Variants in PRKAG2 observed in about 807,000 individuals in gnomAD.
PRKAG2 encodes protein kinase AMP-activated non-catalytic subunit gamma 2, also known as 5'-AMP-activated protein kinase subunit gamma-2.
PRKAG2 carries 26 observed loss-of-function variants against 69.6 expected under a neutral mutation model. The ratio of observed to expected loss-of-function variants is 0.37; its 90% CI spans 0.27 to 0.52. The LOEUF is 0.52. Ranked by LOEUF, PRKAG2 falls within the 20% of genes least tolerant of loss-of-function variation. The pLI is 0.90. For synonymous variants in PRKAG2, 293 were observed against 285.0 expected (o/e 1.03, Z -0.28); for missense variants, 557 against 740.0 (o/e 0.75, Z 2.87).
At chr7:151,864,290 G>A (rs2080006910) in intron 1 of PRKAG2, among the ~76,000 whole-genome samples, 1 of 152,154 alleles carries the variant, frequency 6.6e-6, no homozygotes, top group Non-Finnish European at 1.5e-5. Context: ...CTCCCAACAC[G>A]CCTCCAGTGC....
At chr7:151,604,740 T>C (rs1267789681) in intron 5 of PRKAG2, among the ~76,000 whole-genome samples, 1 of 152,212 alleles carries the variant, frequency 6.6e-6, no homozygotes, top group Non-Finnish European at 1.5e-5. Flanking sequence ...CCTGTGTCTG[T>C]CTCACGATCC....
intron 3 of PRKAG2, chr7:151,734,207 A>G (rs1278869332): frequency 6.6e-6 from 1 of 152,234 alleles, no homozygotes; most frequent in Non-Finnish European, 1.5e-5. Context: ...GAGCTGCCCA[A>G]AGCGGATATA....
intron 1 of PRKAG2, among the ~76,000 whole-genome samples, chr7:151,861,294 G>C (rs574096317): frequency 6.6e-6 from 1 of 152,168 alleles, no homozygotes; most frequent in Non-Finnish European, 1.5e-5. Flanking sequence ...ACTTTGGGAG[G>C]CTGAGGCGGG....
intron 3 of PRKAG2, among the ~76,000 whole-genome samples, chr7:151,778,674 C>A (rs952272569): frequency 6.6e-6 from 1 of 152,214 alleles, no homozygotes; most frequent in Non-Finnish European, 1.5e-5. Flanking sequence ...TTACCAACAC[C>A]CGCAACTTCT....
chr7:151,698,292 G>A (rs1376135684), intron 3 of PRKAG2, among the ~76,000 whole-genome samples: 1 of 152,180 alleles, frequency 6.6e-6, no homozygotes, highest in Non-Finnish European at 1.5e-5. Context: ...TGTCCCCACT[G>A]TCCCTCTGAG....
rs2151857384 is a variant in PRKAG2, at chr7:151,814,361, C to T, written c.115-27820G>A. The T allele has an allele frequency of 1.7e-6, 2 of 1,161,880 alleles. No homozygotes were observed. The highest frequency in any genetic ancestry group is 2.1e-6 in the Non-Finnish European group (2 of 933,226). The allele number at this position is 1,161,880 out of a possible 1,614,324, so 72.0% of individuals were successfully genotyped here. On this transcript the variant is annotated intron_variant, in intron 1 of 15. Transcript: ENST00000287878. This position sits in a 1 kb window ranked among gnomAD's most constrained non-coding sequence, Gnocchi z 4.8. ...ATCGTGAGGGGGAAAACCGCACACC[C>T]AGGGACGCACAATCACTATGCATTT... is the stretch of plus-strand genomic sequence containing the variant.
chr7:151,688,295 C>T (rs1835086835), intron 3 of PRKAG2, among the ~76,000 whole-genome samples: 2 of 152,198 alleles, frequency 1.3e-5, no homozygotes, highest in Admixed American at 1.3e-4. Flanking sequence ...TAGGTCAGGA[C>T]TAGAGTTCGA....
intron 3 of PRKAG2, among the ~76,000 whole-genome samples, chr7:151,770,187 G>A (rs1432358672): frequency 2.0e-5 from 3 of 152,126 alleles, no homozygotes; most frequent in East Asian, 1.9e-4. Context: ...CGACACAACC[G>A]ACCAGCATTC....
At chr7:151,731,519 G>A (rs982008233) in intron 3 of PRKAG2, among the ~76,000 whole-genome samples, 8 of 114,578 alleles carry the variant, frequency 7.0e-5, no homozygotes, top group Non-Finnish European at 1.9e-5. Flanking sequence ...TGTGGGGAGA[G>A]CTCTGTGTGT....
chr7:151,669,524 C>T (rs753403714), intron 4 of PRKAG2, among the ~76,000 whole-genome samples: 4 of 152,186 alleles, frequency 2.6e-5, no homozygotes, highest in Non-Finnish European at 5.9e-5. Context: ...TCGATTGTCC[C>T]TTAGATGTCC....
At chr7:151,741,566 T>C (rs1297146186) in intron 3 of PRKAG2, among the ~76,000 whole-genome samples, 2 of 151,046 alleles carry the variant, frequency 1.3e-5, no homozygotes, top group Non-Finnish European at 2.9e-5. Context: ...CCCCAGCTAT[T>C]AGGGAGGCTG....
chr7:151,618,720 G>A (rs761469759), intron 5 of PRKAG2, among the ~76,000 whole-genome samples: 2 of 151,808 alleles, frequency 1.3e-5, no homozygotes, highest in South Asian at 2.1e-4. Flanking sequence ...AGCTGAGATC[G>A]CACCATTGCA....
intron 4 of PRKAG2, among the ~76,000 whole-genome samples, chr7:151,670,251 A>G (rs1204999043): frequency 1.3e-5 from 2 of 152,122 alleles, no homozygotes; most frequent in Admixed American, 1.3e-4. Context: ...ACTATCATCC[A>G]TCCACTTTTC....
chr7:151,670,171 C>T (rs1831783354), intron 4 of PRKAG2, among the ~76,000 whole-genome samples: 2 of 152,192 alleles, frequency 1.3e-5, no homozygotes, highest in Non-Finnish European at 2.9e-5. Flanking sequence ...TGCCCACATA[C>T]ACCCACACAC....
intron 1 of PRKAG2, among the ~76,000 whole-genome samples, chr7:151,804,362 G>A (rs1262909359): frequency 6.6e-6 from 1 of 152,152 alleles, no homozygotes; most frequent in Non-Finnish European, 1.5e-5. Flanking sequence ...CTGCTTGCAG[G>A]TCAGTGCATT....
intron 3 of PRKAG2, among the ~76,000 whole-genome samples, chr7:151,737,344 TA>T (rs576477445): frequency 4.3e-4 from 62 of 143,140 alleles, no homozygotes; most frequent in Non-Finnish European, 5.1e-4. Context: ...CCATCTCTAT[TA>T]AAAAAAAAAA....
At chr7:151,723,257 T>C (rs1164913591) in intron 3 of PRKAG2, among the ~76,000 whole-genome samples, 1 of 152,086 alleles carries the variant, frequency 6.6e-6, no homozygotes, top group Non-Finnish European at 1.5e-5. Flanking sequence ...AGTATACATT[T>C]TTGGTAGTGC....
chr7:151,787,707 A>C (rs576769785), intron 1 of PRKAG2, among the ~76,000 whole-genome samples: 1 of 152,166 alleles, frequency 6.6e-6, no homozygotes, highest in Non-Finnish European at 1.5e-5. Context: ...AAAAATCTAT[A>C]TGTTGAAGTC....
rs1011928794 is a variant in PRKAG2, at chr7:151,571,409, A to C, written c.1052-1184T>G. On this transcript the variant is annotated intron_variant, in intron 9 of 15. Coordinates refer to ENST00000287878, the MANE Select transcript of PRKAG2 (RefSeq NM_016203.4). ...TTTTTAGTAGAGAGAGGGTTTCACC[A>C]TGTTGGTCAGGCTGGTCTTGAACTC... Among the ~76,000 whole-genome samples the C allele has an allele frequency of 8.5e-5, 13 of 152,050 alleles. No individual in the cohort carries two copies. The South Asian group carries it at 2.7e-3, about 32-fold the overall frequency.
Sources: gnomAD v4.1 joint callset for allele counts (sites outside exome capture counted in the v4.1 genomes callset) on GRCh38, gnomAD v4.1.1 for gene constraint, Gnocchi (gnomAD v3.1) non-coding constraint, MANE v1.5 for transcripts, NCBI Gene and HGNC (gene_info 2026-07-23, HGNC 2026-07-21) for gene names.